The following RERE variants were observed in gnomAD, a reference collection of about 807,000 sequenced individuals.
RERE encodes the protein arginine-glutamic acid dipeptide repeats protein.
Under a neutral mutation model 146.1 loss-of-function variants are expected in RERE, and 40 were observed. The ratio of observed to expected loss-of-function variants is 0.27; its 90% CI spans 0.21 to 0.36. The LOEUF (loss-of-function observed/expected upper bound fraction) is 0.36. Ranked by LOEUF, RERE falls within the 10% of genes least tolerant of loss-of-function variation. The pLI is 1.00. For synonymous variants in RERE, 1,003 were observed against 866.0 expected (o/e 1.16, Z -2.78); for missense variants, 1,933 against 2,138.7 (o/e 0.90, Z 1.90).
intron 11 of RERE, among the ~76,000 whole-genome samples, chr1:8,448,051 C>T (rs548897209): frequency 2.6e-5 from 4 of 152,124 alleles, no homozygotes; most frequent in Non-Finnish European, 5.9e-5. Flanking sequence ...ATGGAACTTC[C>T]CCATTCTGCC....
At position 8,720,371 on chromosome 1, in the gene RERE, C is replaced by CTTCT. The variant is rs375094389; in HGVS notation, c.-144-63931_-144-63930insAGAA. ...TTTACATTCTGCAGGGAGAAACAAA[C>CTTCT]AATAACCAACAGATTTTTTTGTATT... On this transcript the variant is annotated intron_variant, in intron 1 of 22. Transcript: ENST00000400908. Among the ~76,000 whole-genome samples, 57 of 151,764 alleles carry CTTCT rather than the reference C, an allele frequency of 3.8e-4. No homozygotes were observed. In the East Asian group the frequency reaches 9.7e-3, roughly 26 times the overall value.
At chr1:8,466,223 A>G (rs1215880811) in intron 10 of RERE, among the ~76,000 whole-genome samples, 200 bp from the exon 11 acceptor site, 2 of 152,106 alleles carry the variant, frequency 1.3e-5, no homozygotes, top group Admixed American at 1.3e-4. Context: ...TCACTCTGGG[A>G]GAGGGAGGCA....
chr1:8,690,579 A>G lies in RERE; in HGVS notation c.-144-34138T>C, dbSNP rs578115654. The stretch of plus-strand genomic sequence containing the variant: ...CTGAAGGTAGCTTACTGAGATTTAG[A>G]CAATGTAAAATAAAATTTAAGAACA... On this transcript the variant is annotated intron_variant, in intron 1 of 22. Transcript: ENST00000400908. Among the ~76,000 whole-genome samples the G allele has an allele frequency of 1.1e-4, 17 of 152,356 alleles. No individual in the cohort carries two copies. The East Asian group carries it at 3.1e-3, about 28-fold the overall frequency.
intron 1 of RERE, among the ~76,000 whole-genome samples, chr1:8,689,396 C>A (rs373467387): frequency 6.6e-6 from 1 of 152,182 alleles, no homozygotes; most frequent in Admixed American, 6.5e-5. Context: ...AATAACTCCT[C>A]TATCCTATTA....
At chr1:8,389,702 G>A (rs985078187) in intron 12 of RERE, among the ~76,000 whole-genome samples, 6 of 152,220 alleles carry the variant, frequency 3.9e-5, no homozygotes, top group Non-Finnish European at 8.8e-5. Flanking sequence ...CACCACGGAA[G>A]GTCGCATGGA....
In RERE at chr1:8,520,753, T is replaced by TAA. The variant is rs368609572; in HGVS notation, c.831-12079_831-12078insTT. Among the ~76,000 whole-genome samples, 573 of 78,112 alleles carry TAA rather than the reference T, an allele frequency of 7.3e-3. 3 individuals are homozygous for TAA. The highest frequency in any genetic ancestry group is 0.015 in the African/African-American group (344 of 23,458). The allele number at this position is 78,112 out of a possible 152,430, so 51.2% of individuals were successfully genotyped here. A position where few individuals can be genotyped will look rare whatever the true frequency, so the allele number is the denominator to read the frequency against. ...CATGGAGATTCAGCCAAAAAACTTTTTAAAAAAAAAAAAAAAAAAAAAACC... is the reference window on the plus strand; with the variant it reads ...CATGGAGATTCAGCCAAAAAACTTTTAATAAAAAAAAAAAAAAAAAAAAAACC... On this transcript the variant is annotated intron_variant, in intron 7 of 22. Coordinates refer to ENST00000400908, the MANE Select transcript of RERE (RefSeq NM_001042681.2).
At chr1:8,523,811 C>T (rs1270517970) in intron 7 of RERE, among the ~76,000 whole-genome samples, 1 of 152,146 alleles carries the variant, frequency 6.6e-6, no homozygotes, top group African/African-American at 2.4e-5. Context: ...TGTACTAGGC[C>T]CACACAGGCC....
rs1316396645 is a variant in RERE at position 8,423,044 on chromosome 1, A to C, written c.1204-237T>G. On this transcript the variant is annotated intron_variant, in intron 11 of 22. Coordinates refer to ENST00000400908, the MANE Select transcript of RERE (RefSeq NM_001042681.2). The surrounding 1 kb of genome is among the most constrained non-coding windows in gnomAD (Gnocchi z 5.4). Reference sequence around the variant, plus strand: ...CACCACGCAGGGCAGCGCGTTTAAGAGAAGGACGTCCTGCGTCTGAGGCTA... The same window carrying C: ...CACCACGCAGGGCAGCGCGTTTAAGCGAAGGACGTCCTGCGTCTGAGGCTA... 1 of 498,480 alleles carries C rather than the reference A, an allele frequency of 2.0e-6. No individual in the cohort carries two copies. Among genetic ancestry groups the C allele is most frequent in the Non-Finnish European group, 3.7e-6 (1 of 272,994 alleles). The allele number at this position is 498,480 out of a possible 1,614,324, so 30.9% of individuals were successfully genotyped here.
At chr1:8,471,714 A>C (rs1007549333) in intron 10 of RERE, among the ~76,000 whole-genome samples, 8 of 151,968 alleles carry the variant, frequency 5.3e-5, no homozygotes, top group African/African-American at 1.9e-4. Context: ...GGAACTCACT[A>C]TGCTGCCTAG....
At chr1:8,685,913 A>C (rs1639075701) in intron 1 of RERE, among the ~76,000 whole-genome samples, 1 of 151,996 alleles carries the variant, frequency 6.6e-6, no homozygotes, top group African/African-American at 2.4e-5. Flanking sequence ...ATATCTTCTG[A>C]GTGGAGATAC....
intron 11 of RERE, among the ~76,000 whole-genome samples, chr1:8,442,821 A>G (rs1329912981): frequency 2.0e-5 from 3 of 152,198 alleles, no homozygotes; most frequent in African/African-American, 7.2e-5. Flanking sequence ...CAAAATACTG[A>G]CAGTGATACG....
At chr1:8,530,685 T>TTTC (rs1645633885) in intron 7 of RERE, among the ~76,000 whole-genome samples, 2 of 135,796 alleles carry the variant, frequency 1.5e-5, no homozygotes, top group Non-Finnish European at 3.2e-5. Context: ...TTTTCTTTTT[T>TTTC]TTTTTTTTTT....
At chr1:8,474,153 ATAATACT>A (rs1644724998) in intron 10 of RERE, among the ~76,000 whole-genome samples, 1 of 152,204 alleles carries the variant, frequency 6.6e-6, no homozygotes, top group Non-Finnish European at 1.5e-5. Context: ...GAAAGAATAA[ATAATACT>A]TAATGACTGC....
intron 1 of RERE, among the ~76,000 whole-genome samples, chr1:8,765,997 T>C (rs1054189786): frequency 6.6e-6 from 1 of 151,450 alleles, no homozygotes; most frequent in African/African-American, 2.4e-5. Flanking sequence ...CCTGTAATCC[T>C]AGCTACTTGG....
At chr1:8,750,369 TGTGA>T in intron 1 of RERE, 2 of 645,194 alleles carry the variant, frequency 3.1e-6, no homozygotes, top group Non-Finnish European at 5.5e-6. Context: ...ATTCAACATC[TGTGA>T]GTGTCACAAA....
chr1:8,461,714 G>C (rs1184434416), intron 11 of RERE, among the ~76,000 whole-genome samples: 1 of 152,176 alleles, frequency 6.6e-6, no homozygotes, highest in Non-Finnish European at 1.5e-5. Context: ...AAGATCTCCA[G>C]AATTCATGAT....
chr1:8,698,099 T>C (rs751798378), intron 1 of RERE, among the ~76,000 whole-genome samples: 1 of 152,238 alleles, frequency 6.6e-6, no homozygotes, highest in Non-Finnish European at 1.5e-5. Context: ...TAACATTTTT[T>C]AAATGTTTAA....
rs76255555 is a variant in RERE at position 8,407,959 on chromosome 1, G to A, written c.1284+14768C>T. Among the ~76,000 whole-genome samples, 1,343 of 152,162 alleles carry A rather than the reference G, an allele frequency of 8.8e-3. 18 individuals are homozygous for A. The highest frequency in any genetic ancestry group is 0.031 in the African/African-American group (1,280 of 41,496). ...AAAATCTCAAGACAAGTTGTACAATGGTTTCCTGGAACATTCTGAGTAAAG... is the reference window on the plus strand; with the variant it reads ...AAAATCTCAAGACAAGTTGTACAATAGTTTCCTGGAACATTCTGAGTAAAG... On this transcript the variant is annotated intron_variant, in intron 12 of 22. Coordinates refer to ENST00000400908, the MANE Select transcript of RERE (RefSeq NM_001042681.2).
In RERE at chr1:8,590,774, C is replaced by CCT. The variant is rs1374423529; in HGVS notation, c.522+23785_522+23786dup. On this transcript the variant is annotated intron_variant, in intron 4 of 22. Coordinates refer to ENST00000400908, the MANE Select transcript of RERE (RefSeq NM_001042681.2). ...AAAATCTAGTCCTTGAATTGCATTT[C>CCT]CTTCACTTACCTGTGAGGTTCCTTG... is the stretch of plus-strand genomic sequence containing the variant. 2.0e-5 allele frequency: 3 copies of CCT among 152,236 alleles called. 1 individual carries two copies. The highest frequency in any genetic ancestry group is 7.2e-5 in the African/African-American group (3 of 41,462). The allele number at this position is 152,236 out of a possible 1,614,324, so 9.4% of individuals were successfully genotyped here. A position where few individuals can be genotyped will look rare whatever the true frequency, so the allele number is the denominator to read the frequency against.
Sources: allele counts gnomAD v4.1 joint callset (sites outside exome capture counted in the v4.1 genomes callset), GRCh38; gene constraint gnomAD v4.1.1; non-coding constraint Gnocchi (gnomAD v3.1); transcripts MANE v1.5; gene names NCBI Gene and HGNC (gene_info 2026-07-23, HGNC 2026-07-21).